CASR: variants seen among roughly 807,000 people sequenced by gnomAD.
CASR encodes the protein calcium sensing receptor.
CASR carries 23 observed loss-of-function variants against 69.1 expected under a neutral mutation model. The ratio of observed to expected loss-of-function variants is 0.33; its 90% CI spans 0.24 to 0.47. The LOEUF is 0.47. CASR is among the 20% of genes least tolerant of loss of function. The pLI is 1.00. For missense variants in CASR, 924 were observed against 1,356.1 expected (o/e 0.68, Z 5.00); for synonymous variants, 541 against 544.7 (o/e 0.99, Z 0.10).
At chr3:122,224,420 G>A (rs2074203042) in intron 1 of CASR, among the ~76,000 whole-genome samples, 2 of 152,074 alleles carry the variant, frequency 1.3e-5, no homozygotes, top group South Asian at 4.1e-4. Context: ...AGAGCCAAAT[G>A]AAGAACACAA....
intron 1 of CASR, among the ~76,000 whole-genome samples, chr3:122,246,088 G>A (rs899727436): frequency 6.6e-6 from 1 of 152,174 alleles, no homozygotes; most frequent in African/African-American, 2.4e-5. Flanking sequence ...AAACGTTCAT[G>A]TGTCAGAACG....
chr3:122,212,287 C>A (rs889648390), intron 1 of CASR, among the ~76,000 whole-genome samples: 2 of 152,162 alleles, frequency 1.3e-5, no homozygotes, highest in Admixed American at 1.3e-4. Flanking sequence ...AAGCCATTAT[C>A]CTCAGCAAAC....
intron 3 of CASR, among the ~76,000 whole-genome samples, 197 bp from the exon 4 acceptor site, chr3:122,261,331 G>A (rs183646348): frequency 1.3e-5 from 2 of 152,336 alleles, no homozygotes; most frequent in East Asian, 3.9e-4. Context: ...ACTGAAAGGT[G>A]CTTAAGTGCT....
At chr3:122,276,566 A>G (rs755869425) in intron 5 of CASR, among the ~76,000 whole-genome samples, 4 of 152,216 alleles carry the variant, frequency 2.6e-5, no homozygotes, top group Non-Finnish European at 4.4e-5. Flanking sequence ...AATGGCCAGT[A>G]ACAGCCATTG....
intron 1 of CASR, among the ~76,000 whole-genome samples, chr3:122,235,407 T>C (rs2074319788): frequency 6.6e-6 from 1 of 152,224 alleles, no homozygotes. Context: ...ACCCTAACTT[T>C]ACAGCAATGA....
chr3:122,260,266 G>A (rs2074604058), intron 3 of CASR, among the ~76,000 whole-genome samples: 2 of 152,166 alleles, frequency 1.3e-5, no homozygotes, highest in African/African-American at 2.4e-5. Context: ...AAAGAAGTGG[G>A]AAAGCTCTGC....
At chr3:122,212,467 A>G (rs2074078138) in intron 1 of CASR, among the ~76,000 whole-genome samples, 1 of 152,172 alleles carries the variant, frequency 6.6e-6, no homozygotes, top group Non-Finnish European at 1.5e-5. Flanking sequence ...CTTAATACCT[A>G]GGTGATGGGT....
intron 1 of CASR, among the ~76,000 whole-genome samples, chr3:122,190,124 G>A (rs1231333108): frequency 1.3e-5 from 2 of 152,100 alleles, no homozygotes; most frequent in Non-Finnish European, 2.9e-5. Flanking sequence ...TGACACTCAG[G>A]CTGAGGCTCT....
chr3:122,191,001 T>A (rs1363913356), intron 1 of CASR, among the ~76,000 whole-genome samples: 3 of 152,254 alleles, frequency 2.0e-5, no homozygotes, highest in African/African-American at 7.2e-5. Flanking sequence ...TTCTCAAGAT[T>A]CAGCTGCCTC....
intron 4 of CASR, among the ~76,000 whole-genome samples, chr3:122,272,186 C>T (rs188237223): frequency 3.3e-5 from 5 of 152,024 alleles, no homozygotes; most frequent in East Asian, 1.9e-4. Context: ...AACTGCCAGA[C>T]GTTTTTTCCA....
At chr3:122,243,672 G>A (rs2074400024) in intron 1 of CASR, among the ~76,000 whole-genome samples, 1 of 152,030 alleles carries the variant, frequency 6.6e-6, no homozygotes, top group African/African-American at 2.4e-5. Flanking sequence ...CCCACTGCTA[G>A]GTATATATAC....
intron 5 of CASR, among the ~76,000 whole-genome samples, chr3:122,281,176 ATTTGT>A (rs796664604): frequency 1.3e-5 from 2 of 152,186 alleles, no homozygotes; most frequent in Non-Finnish European, 2.9e-5. Context: ...GGTTTTGTTT[ATTTGT>A]TTTGTTTTGT....
intron 1 of CASR, among the ~76,000 whole-genome samples, chr3:122,193,460 A>G (rs2073858489): frequency 6.6e-6 from 1 of 152,046 alleles, no homozygotes; most frequent in Non-Finnish European, 1.5e-5. Context: ...CAAGTGATCC[A>G]TCTGTCTTAG....
intron 1 of CASR, among the ~76,000 whole-genome samples, chr3:122,184,849 A>G (rs932372893): frequency 3.9e-5 from 6 of 152,236 alleles, no homozygotes; most frequent in Non-Finnish European, 2.9e-5. Context: ...CCTGTGATAT[A>G]GTCAGAAAGG....
At chr3:122,224,664 T>C (rs917820425) in intron 1 of CASR, among the ~76,000 whole-genome samples, 1 of 152,112 alleles carries the variant, frequency 6.6e-6, no homozygotes, top group Non-Finnish European at 1.5e-5. Flanking sequence ...ACCACCACCA[T>C]TATTTCTCAC....
Position 122,262,387 on chromosome 3 carries a change from A to T in CASR, c.1352A>T (p.Asp451Val). Residue 451 changes from aspartate to valine, a missense_variant, in exon 4 of 7, where the codon GAC becomes GTC. Physicochemically the swap from Asp to Val is radical, Grantham distance 152 (BLOSUM62 -3). Around this residue, in one of 8 missense-constraint regions of CASR, gnomAD observed 310 missense variants for 395.7 expected, o/e 0.78. Transcript: ENST00000639785. The stretch of plus-strand genomic sequence containing the variant: ...CTCTTCACCAATGGCTCCTGTGCAG[A>T]CATCAAGAAAGTTGAGGCGTGGCAG... ...RGLFTNGSCADIKKVEAWQVL... is the reference protein window; with the variant it reads ...RGLFTNGSCAVIKKVEAWQVL... The T allele has an allele frequency of 6.2e-7, 1 of 1,613,618 alleles. No homozygotes were observed. The highest frequency in any genetic ancestry group is 8.5e-7 in the Non-Finnish European group (1 of 1,180,030).
chr3:122,188,372 T>C (rs902090970), intron 1 of CASR, among the ~76,000 whole-genome samples: 7 of 152,160 alleles, frequency 4.6e-5, no homozygotes, highest in Non-Finnish European at 7.3e-5. Context: ...AGCCTGAGAT[T>C]CTGGTCTGTT....
At chr3:122,244,669 G>A (rs771950735) in intron 1 of CASR, among the ~76,000 whole-genome samples, 1 of 152,062 alleles carries the variant, frequency 6.6e-6, no homozygotes, top group Non-Finnish European at 1.5e-5. Context: ...TTTTGATTTG[G>A]ATGCTGGTTA....
At chr3:122,234,564 G>A (rs968454465) in intron 1 of CASR, among the ~76,000 whole-genome samples, 1 of 152,120 alleles carries the variant, frequency 6.6e-6, no homozygotes, top group Non-Finnish European at 1.5e-5. Flanking sequence ...AAACATGAGA[G>A]GATGGAATTT....
Sources: allele counts gnomAD v4.1 joint callset (sites outside exome capture counted in the v4.1 genomes callset), GRCh38; gene constraint gnomAD v4.1.1; regional missense constraint gnomAD v4.1.1; transcripts MANE v1.5; gene names NCBI Gene and HGNC (gene_info 2026-07-23, HGNC 2026-07-21).